The following GMPPA variants were observed in gnomAD, a reference collection of about 807,000 sequenced individuals.
GMPPA encodes the protein mannose-1-phosphate guanylyltransferase regulatory subunit alpha.
In GMPPA, 46 loss-of-function variants were observed where a neutral mutation model predicts 58.6. The ratio of observed to expected loss-of-function variants is 0.78; its 90% CI spans 0.62 to 1.00. The LOEUF (loss-of-function observed/expected upper bound fraction) is 1.00. GMPPA is among the 50% of genes least tolerant of loss of function. The probability of loss-of-function intolerance (pLI) is 0.00; values close to 1 mark genes in which losing one functional copy is unlikely to be tolerated. For synonymous variants in GMPPA, 211 were observed against 214.9 expected (o/e 0.98, Z 0.16); for missense variants, 468 against 556.4 (o/e 0.84, Z 1.60).
Position 219,502,163 on chromosome 2 carries a change from G to A in GMPPA, c.429+126G>A. 1 of 991,838 alleles carries A rather than the reference G, an allele frequency of 1.0e-6. No individual in the cohort carries two copies. 61.4% of individuals were successfully genotyped at this position (991,838 alleles called of 1,614,324 possible). A position where few individuals can be genotyped will look rare whatever the true frequency, so the allele number is the denominator to read the frequency against. On this transcript the variant is annotated intron_variant, in intron 5 of 12. Transcript: ENST00000313597. The surrounding 1 kb of genome is among the most constrained non-coding windows in gnomAD (Gnocchi z 4.0). ...TGGGAGCTGGCGTCAGGAGGGAGAT[G>A]CGCTGCTCTGGCAGCATGGAGGTGT...
intron 3 of GMPPA, chr2:219,500,503 A>T (rs986782410): frequency 3.5e-5 from 17 of 486,180 alleles, no homozygotes; most frequent in Non-Finnish European, 5.6e-5. Flanking sequence ...AAGCCGTAGC[A>T]TGGAGACTCT....
In GMPPA at chr2:219,502,208, TCTGG is replaced by T. The variant is rs1280105320; in HGVS notation, c.430-170_430-167del. Among the ~76,000 whole-genome samples, 1 of 152,180 alleles carries T rather than the reference TCTGG, an allele frequency of 6.6e-6. No individual in the cohort carries two copies. The highest frequency in any genetic ancestry group is 1.5e-5 in the Non-Finnish European group (1 of 68,024). Reference sequence around the variant, plus strand: ...AGGTGTTAGTGGAGACCCCGAGCCCTCTGGCTGTTCAGAAGTAGGGAGGGGGAGG... The same window carrying T: ...AGGTGTTAGTGGAGACCCCGAGCCCTCTGTTCAGAAGTAGGGAGGGGGAGG... On this transcript the variant is annotated intron_variant, in intron 5 of 12. Transcript: ENST00000313597. This position sits in a 1 kb window ranked among gnomAD's most constrained non-coding sequence, Gnocchi z 4.0.
chr2:219,505,036 C>A, intron 7 of GMPPA, 192 bp from the exon 8 acceptor site: 1 of 820,278 alleles, frequency 1.2e-6, no homozygotes, highest in Non-Finnish European at 1.8e-6. Flanking sequence ...AGCACCCACC[C>A]AAGTGGGGGC....
intron 1 of GMPPA, chr2:219,499,162 G>T (rs1694301308): frequency 6.6e-6 from 1 of 152,252 alleles, no homozygotes; most frequent in African/African-American, 2.4e-5. Flanking sequence ...TTTAGACCCA[G>T]TCGTCCGTAT....
Position 219,499,989 on chromosome 2 carries a change from T to C in GMPPA, c.14T>C (p.Val5Ala). 6.2e-7 allele frequency: 1 copy of C among 1,613,816 alleles called. No individual in the cohort carries two copies. The highest frequency in any genetic ancestry group is 8.5e-7 in the Non-Finnish European group (1 of 1,179,830). ...GCAGTCACCATTATGCTCAAAGCGGTGATCCTGATTGGAGGCCCTCAAAAG... is the reference window on the plus strand; with the variant it reads ...GCAGTCACCATTATGCTCAAAGCGGCGATCCTGATTGGAGGCCCTCAAAAG... MLKA[V>A]ILIGGPQKGT... is the part of the protein sequence containing the mutation. Residue 5 changes from valine to alanine, a missense_variant, in exon 2 of 13, where the codon GTG (valine) becomes GCG (alanine). Val to Ala is a moderately conservative substitution (Grantham distance 64, BLOSUM62 0). Transcript: ENST00000313597.
At position 219,501,518 on chromosome 2, in the gene GMPPA, C is replaced by A. The variant is rs1208162302; in HGVS notation, c.181C>A (p.Pro61Thr). 6.2e-7 allele frequency: 1 copy of A among 1,613,168 alleles called. No individual in the cohort carries two copies. The highest frequency in any genetic ancestry group is 1.7e-5 in the Admixed American group (1 of 60,020). Residue 61 changes from proline (P) to threonine (T), a missense_variant, in exon 4 of 13, where the codon CCT (proline) becomes ACT (threonine). Coordinates refer to ENST00000313597, the MANE Select transcript of GMPPA (RefSeq NM_013335.4). Reference sequence around the variant, plus strand: ...GATTCTGCTCATTGGCTTCTACCAACCTGATGAGCCCCTCACCCAGTTCCT... The same window carrying A: ...GATTCTGCTCATTGGCTTCTACCAAACTGATGAGCCCCTCACCCAGTTCCT... The part of the protein sequence containing the change: ...QEILLIGFYQ[P>T]DEPLTQFLEA...
intron 7 of GMPPA, 39 bp downstream of exon 7, chr2:219,504,252 C>T: frequency 2.5e-6 from 4 of 1,602,044 alleles, no homozygotes; most frequent in Non-Finnish European, 3.4e-6. Context: ...CCAAGTACCC[C>T]CAGTCACGGA....
rs746676212 is a variant in GMPPA at position 219,505,705 on chromosome 2, C to T, written c.854-10C>T. On this transcript the variant is annotated splice_polypyrimidine_tract_variant and intron_variant, in intron 9 of 12. Coordinates refer to ENST00000313597, the MANE Select transcript of GMPPA (RefSeq NM_013335.4). ...GATATTTGCCCCCAGGGCCTCTCTTCTGCTTCTAGGGAATGTGTACATCCA... is the reference window on the plus strand; with the variant it reads ...GATATTTGCCCCCAGGGCCTCTCTTTTGCTTCTAGGGAATGTGTACATCCA... 1.2e-6 allele frequency: 2 copies of T among 1,612,884 alleles called. No individual in the cohort carries two copies. Among genetic ancestry groups the T allele is most frequent in the Admixed American group, 1.7e-5 (1 of 60,002 alleles).
intron 9 of GMPPA, 79 bp from the exon 10 acceptor site, chr2:219,505,635 GT>G: frequency 6.3e-7 from 1 of 1,585,004 alleles, no homozygotes; most frequent in Non-Finnish European, 8.7e-7. Flanking sequence ...CGAGTCCAGA[GT>G]TAAAGCCTCA....
In GMPPA at chr2:219,506,033, G is replaced by T; in HGVS notation, c.954G>T (p.Arg318=). The part of the protein sequence containing the change: ...GKGVTVGEGV[R]LRESIVLHGA... ...GGGTGACCGTGGGTGAGGGTGTGCG[G>T]CTCCGGGAGAGCATCGTCCTCCATG... The change falls in exon 11 of 13, where the codon CGG becomes CGT. Residue 318 remains arginine (R), a synonymous_variant. Coordinates refer to ENST00000313597, the MANE Select transcript of GMPPA (RefSeq NM_013335.4). 1 of 1,595,412 alleles carries T rather than the reference G, an allele frequency of 6.3e-7. No homozygotes were observed. Among genetic ancestry groups the T allele is most frequent in the Non-Finnish European group, 8.6e-7 (1 of 1,168,836 alleles).
At position 219,502,489 on chromosome 2, in the gene GMPPA, C is replaced by G; in HGVS notation, c.489+48C>G. On this transcript the variant is annotated intron_variant, in intron 6 of 12. Transcript: ENST00000313597. The surrounding 1 kb of genome is among the most constrained non-coding windows in gnomAD (Gnocchi z 4.0). ...GTGGGTGCCTACTCTGTGTCATCAT[C>G]CCCTCTACCTCAGGCCTCTAGAGAA... 1 of 1,452,642 alleles carries G rather than the reference C, an allele frequency of 6.9e-7. No individual in the cohort carries two copies. 90.0% of individuals were successfully genotyped at this position (1,452,642 alleles called of 1,614,324 possible).
Position 219,506,038 on chromosome 2 carries a change from G to A in GMPPA, c.959G>A (p.Arg320Gln), listed in dbSNP as rs779038410. 4.5e-5 allele frequency: 72 copies of A among 1,594,876 alleles called. No individual in the cohort carries two copies. Among genetic ancestry groups the A allele is most frequent in the South Asian group, 1.3e-4 (12 of 89,160 alleles). ...GVTVGEGVRL[R>Q]ESIVLHGATL... ...ACCGTGGGTGAGGGTGTGCGGCTCC[G>A]GGAGAGCATCGTCCTCCATGGAGCC... Residue 320 changes from arginine (R) to glutamine (Q), a missense_variant, in exon 11 of 13, where the codon CGG becomes CAG. Transcript: ENST00000313597.
chr2:219,499,667 T>G, intron 1 of GMPPA: 1 of 437,784 alleles, frequency 2.3e-6, no homozygotes, highest in Non-Finnish European at 4.1e-6. Flanking sequence ...ATGTGTGGGA[T>G]TTGTGAGGTT....
rs2125640291 is a variant in GMPPA at position 219,505,443 on chromosome 2, C to T, written c.756-15C>T. On this transcript the variant is annotated splice_polypyrimidine_tract_variant and intron_variant, in intron 8 of 12. Transcript: ENST00000313597. ...CTGCTGACCCCTGAGCCCCTGTCCC[C>T]CTTGCGGTCCCCAGTTCAGCCCTCT... 6.3e-7 allele frequency: 1 copy of T among 1,589,268 alleles called. No individual in the cohort carries two copies. Among genetic ancestry groups the T allele is most frequent in the Non-Finnish European group, 8.6e-7 (1 of 1,167,458 alleles).
rs1694420114 is a variant in GMPPA, at chr2:219,502,134, G to C, written c.429+97G>C. On this transcript the variant is annotated intron_variant, in intron 5 of 12. Coordinates refer to ENST00000313597, the MANE Select transcript of GMPPA (RefSeq NM_013335.4). This position sits in a 1 kb window ranked among gnomAD's most constrained non-coding sequence, Gnocchi z 4.0. Reference sequence around the variant, plus strand: ...GGGAGGCAGGGGCGCCCCGGGAGTTGGTGTGGGAGCTGGCGTCAGGAGGGA... The same window carrying C: ...GGGAGGCAGGGGCGCCCCGGGAGTTCGTGTGGGAGCTGGCGTCAGGAGGGA... 7.9e-7 allele frequency: 1 copy of C among 1,270,390 alleles called. No homozygotes were observed. Among genetic ancestry groups the C allele is most frequent in the African/African-American group, 1.5e-5 (1 of 68,304 alleles). The allele number at this position is 1,270,390 out of a possible 1,614,324, so 78.7% of individuals were successfully genotyped here. A position where few individuals can be genotyped will look rare whatever the true frequency, so the allele number is the denominator to read the frequency against.
Position 219,500,176 on chromosome 2 carries a change from AG to A in GMPPA, c.100del (p.Val34SerfsTer3). ...EVPKPLFPVA[G>X]VPMIQHHIEA... ...TGCCCAAACCATTGTTTCCTGTGGC[AG>A]GGGTCCCTATGATCCAACACCATAT... On this transcript the variant is annotated frameshift_variant, in exon 3 of 13. Coordinates refer to ENST00000313597, the MANE Select transcript of GMPPA (RefSeq NM_013335.4). LOFTEE classifies it high-confidence loss of function. 6.3e-7 allele frequency: 1 copy of A among 1,588,746 alleles called. No homozygotes were observed. The highest frequency in any genetic ancestry group is 8.6e-7 in the Non-Finnish European group (1 of 1,165,228).
At chr2:219,504,527 C>T (rs1032326535) in intron 7 of GMPPA, 14 of 416,766 alleles carry the variant, frequency 3.4e-5, no homozygotes, top group South Asian at 5.9e-5. Context: ...CACACATGCT[C>T]GGGTGCAGAC....
chr2:219,506,718 G>T lies in GMPPA; in HGVS notation c.1183G>T (p.Ala395Ser). Residue 395 changes from alanine to serine, a missense_variant, in exon 13 of 13, where the codon GCC becomes TCC. Coordinates refer to ENST00000313597, the MANE Select transcript of GMPPA (RefSeq NM_013335.4). ...TGCAGGCTGCCGAGTCCGGATCCCT[G>T]CCGAGGTGCTCATCCTGAACTCGAT... ...TILGCRVRIP[A>S]EVLILNSIVL... 1 of 1,603,740 alleles carries T rather than the reference G, an allele frequency of 6.2e-7. No homozygotes were observed.
chr2:219,501,802 A>G, intron 4 of GMPPA, 49 bp from the exon 5 acceptor site: 1 of 1,552,432 alleles, frequency 6.4e-7, no homozygotes, highest in Non-Finnish European at 8.9e-7. Context: ...GGCTCATGGT[A>G]TCTGTTTCCT....
Sources: gnomAD v4.1 joint callset for allele counts (sites outside exome capture counted in the v4.1 genomes callset) on GRCh38, gnomAD v4.1.1 for gene constraint, Gnocchi (gnomAD v3.1) non-coding constraint, MANE v1.5 for transcripts, NCBI Gene and HGNC (gene_info 2026-07-23, HGNC 2026-07-21) for gene names.